Variants in METTL24 observed in about 807,000 individuals in gnomAD.
The protein encoded by METTL24 is probable methyltransferase-like protein 24.
METTL24 carries 29 observed loss-of-function variants against 32.7 expected under a neutral mutation model. The observed-to-expected ratio is 0.89, with a 90% CI of 0.66 to 1.21. The LOEUF (loss-of-function observed/expected upper bound fraction) is 1.21. Among genes scored for constraint, METTL24 ranks in the 50% most tolerant of loss-of-function variants. METTL24 has a pLI of 0.00. For synonymous variants in METTL24, 163 were observed against 179.5 expected, an observed-to-expected ratio of 0.91 and a Z score of 0.73; for missense variants, 439 against 468.1, an observed-to-expected ratio of 0.94 and a Z score of 0.57.
chr6:110,316,213 T>C (rs922672335), intron 2 of METTL24, among the ~76,000 whole-genome samples: 4 of 152,176 alleles, frequency 2.6e-5, no homozygotes, highest in African/African-American at 9.7e-5. Flanking sequence ...TTTTCTTAAC[T>C]CATCCATCAA....
At position 110,245,869 on chromosome 6, in the gene METTL24, A is replaced by G. The variant is rs556334667; in HGVS notation, c.*77T>C. Reference sequence around the variant, plus strand: ...GCACAGGCTAGCAGGAGACTGGATGAGTAAACTCATGATTAGAATTATGGA... The same window carrying G: ...GCACAGGCTAGCAGGAGACTGGATGGGTAAACTCATGATTAGAATTATGGA... On this transcript the variant is annotated 3_prime_UTR_variant, in exon 5 of 5. Transcript: ENST00000338882. 3.1e-5 allele frequency: 43 copies of G among 1,402,706 alleles called. No homozygotes were observed. The East Asian group carries it at 6.4e-4, about 21-fold the overall frequency. 86.9% of individuals were successfully genotyped at this position (1,402,706 alleles called of 1,614,324 possible).
At chr6:110,317,347 A>G (rs1771838504) in intron 2 of METTL24, among the ~76,000 whole-genome samples, 1 of 152,220 alleles carries the variant, frequency 6.6e-6, no homozygotes, top group Admixed American at 6.5e-5. Context: ...AATGGAAATT[A>G]TGTCTCTGCC....
chr6:110,300,324 TA>T, intron 3 of METTL24, among the ~76,000 whole-genome samples: 1 of 151,960 alleles, frequency 6.6e-6, no homozygotes, highest in South Asian at 2.1e-4. Context: ...GACTATTGCA[TA>T]ATCTGGAAAT....
chr6:110,315,019 T>G (rs1344337192), intron 3 of METTL24, among the ~76,000 whole-genome samples: 2 of 151,800 alleles, frequency 1.3e-5, no homozygotes, highest in Admixed American at 6.6e-5. Flanking sequence ...CGCAGTAATA[T>G]TCTTCTCTCT....
At chr6:110,352,801 C>T (rs1772633972) in intron 1 of METTL24, among the ~76,000 whole-genome samples, 1 of 152,108 alleles carries the variant, frequency 6.6e-6, no homozygotes, top group African/African-American at 2.4e-5. Flanking sequence ...ACAAGGACTC[C>T]AAAAGTATTA....
intron 4 of METTL24, among the ~76,000 whole-genome samples, chr6:110,254,970 A>G (rs1298606190): frequency 6.6e-6 from 1 of 152,208 alleles, no homozygotes; most frequent in Non-Finnish European, 1.5e-5. Flanking sequence ...AAGAATAGTA[A>G]AAGTCTTTTT....
intron 4 of METTL24, among the ~76,000 whole-genome samples, chr6:110,298,294 A>G (rs1381582753): frequency 2.0e-5 from 3 of 152,216 alleles, no homozygotes; most frequent in African/African-American, 4.8e-5. Context: ...TACACTAAAA[A>G]TTGCTTTCAA....
intron 4 of METTL24, among the ~76,000 whole-genome samples, chr6:110,286,210 T>C (rs1771218312): frequency 6.6e-6 from 1 of 152,108 alleles, no homozygotes; most frequent in South Asian, 2.1e-4. Context: ...CTGACCCCCG[T>C]CTTGTTTCAA....
rs1772738658 is a variant in METTL24 at position 110,358,168 on chromosome 6, G to C, written c.105C>G (p.Arg35=). The C allele has an allele frequency of 8.2e-7, 1 of 1,220,996 alleles. No homozygotes were observed. Among genetic ancestry groups the C allele is most frequent in the Non-Finnish European group, 1.0e-6 (1 of 981,488 alleles). 75.6% of individuals were successfully genotyped at this position (1,220,996 alleles called of 1,614,324 possible). A position where few individuals can be genotyped will look rare whatever the true frequency, so the allele number is the denominator to read the frequency against. Residue 35 remains arginine, a synonymous_variant, in exon 1 of 5, where the codon CGC becomes CGG. Coordinates refer to ENST00000338882, the MANE Select transcript of METTL24 (RefSeq NM_001123364.3). ...TGCGGGTGGGGGACCCGGGCCCGGC[G>C]CGCCGCAGCTCTGCGCAGAGCCGCA... ...FGLRLCAELR[R]AGPGSPTRSA...
At position 110,358,054 on chromosome 6, in the gene METTL24, C is replaced by A; in HGVS notation, c.219G>T (p.Val73=). The A allele has an allele frequency of 1.9e-6, 2 of 1,075,798 alleles. No individual in the cohort carries two copies. Among genetic ancestry groups the A allele is most frequent in the South Asian group, 4.4e-5 (1 of 22,878 alleles). The allele number at this position is 1,075,798 out of a possible 1,614,324, so 66.6% of individuals were successfully genotyped here. ...GQPRGASRRQ[V]TYVRSGRRAP... ...CCCGGCGACCGCTGCGCACGTAGGT[C>A]ACCTGCCTCCTGCTGGCGCCGCGCG... Residue 73 remains valine, a synonymous_variant, in exon 1 of 5, where the codon GTG becomes GTT. Transcript: ENST00000338882.
At chr6:110,284,619 AG>A (rs1771189022) in intron 4 of METTL24, among the ~76,000 whole-genome samples, 1 of 118,808 alleles carries the variant, frequency 8.4e-6, no homozygotes, top group Admixed American at 7.5e-5. Context: ...GAAGAAGTGA[AG>A]GTTTCTTATT....
At chr6:110,322,657 C>A (rs766249317) in intron 2 of METTL24, 117 bp downstream of exon 2, 114 of 739,148 alleles carry the variant, frequency 1.5e-4, no homozygotes, top group Non-Finnish European at 2.4e-4. Flanking sequence ...TCTGAACACA[C>A]TTCCCCATCA....
chr6:110,326,342 A>G (rs1772016138), intron 1 of METTL24, among the ~76,000 whole-genome samples: 1 of 152,230 alleles, frequency 6.6e-6, no homozygotes, highest in African/African-American at 2.4e-5. Context: ...CATGGAACCT[A>G]AGCATTAAAA....
Position 110,358,278 on chromosome 6 carries a change from T to C in METTL24, c.-6A>G. Reference sequence around the variant, plus strand: ...GGCGGCCTCTCCCGGGCCATGGCGCTACACTCGGGGTCCCGCGGGCCGCGC... The same window carrying C: ...GGCGGCCTCTCCCGGGCCATGGCGCCACACTCGGGGTCCCGCGGGCCGCGC... On this transcript the variant is annotated 5_prime_UTR_variant, in exon 1 of 5. Transcript: ENST00000338882. 1 of 1,456,754 alleles carries C rather than the reference T, an allele frequency of 6.9e-7. No individual in the cohort carries two copies. Among genetic ancestry groups the C allele is most frequent in the Non-Finnish European group, 9.0e-7 (1 of 1,111,672 alleles). 90.2% of individuals were successfully genotyped at this position (1,456,754 alleles called of 1,614,324 possible). A position where few individuals can be genotyped will look rare whatever the true frequency, so the allele number is the denominator to read the frequency against.
chr6:110,280,882 A>C (rs1335037475), intron 4 of METTL24, among the ~76,000 whole-genome samples: 1 of 152,104 alleles, frequency 6.6e-6, no homozygotes, highest in Admixed American at 6.6e-5. Context: ...CAAACTCCTG[A>C]GCTCAAGTGA....
chr6:110,281,648 CAAA>C (rs551905021), intron 4 of METTL24, among the ~76,000 whole-genome samples: 3 of 115,964 alleles, frequency 2.6e-5, no homozygotes, highest in Non-Finnish European at 1.8e-5. Flanking sequence ...GACTCTGTCT[CAAA>C]AAAAAAAAAA....
At position 110,246,271 on chromosome 6, in the gene METTL24, G is replaced by A; in HGVS notation, c.787-11C>T. 6.3e-7 allele frequency: 1 copy of A among 1,585,566 alleles called. No individual in the cohort carries two copies. The highest frequency in any genetic ancestry group is 8.6e-7 in the Non-Finnish European group (1 of 1,164,204). On this transcript the variant is annotated splice_polypyrimidine_tract_variant and intron_variant, in intron 4 of 4. Coordinates refer to ENST00000338882, the MANE Select transcript of METTL24 (RefSeq NM_001123364.3). ...CTTGAGAACGTCAATCTGTAACAAAGCAATGAAATGAGATTAGCAGATTTA... is the reference window on the plus strand; with the variant it reads ...CTTGAGAACGTCAATCTGTAACAAAACAATGAAATGAGATTAGCAGATTTA...
intron 2 of METTL24, among the ~76,000 whole-genome samples, chr6:110,322,235 C>T (rs560169642): frequency 1.4e-4 from 22 of 152,294 alleles, no homozygotes; most frequent in African/African-American, 5.3e-4. Context: ...AATAAAGGCC[C>T]GTGCTCAGTA....
At chr6:110,317,335 T>C (rs139344202) in intron 2 of METTL24, among the ~76,000 whole-genome samples, 45 of 152,334 alleles carry the variant, frequency 3.0e-4, no homozygotes, top group African/African-American at 1.1e-3. Context: ...CTCCCACAGA[T>C]AAATGGAAAT....
Sources: allele counts gnomAD v4.1 joint callset (sites outside exome capture counted in the v4.1 genomes callset), GRCh38; gene constraint gnomAD v4.1.1; transcripts MANE v1.5; gene names NCBI Gene and HGNC (gene_info 2026-07-23, HGNC 2026-07-21).